RAB3IP: variants seen among roughly 807,000 people sequenced by gnomAD.
The protein encoded by RAB3IP is RAB3A interacting protein.
Under a neutral mutation model 59.1 loss-of-function variants are expected in RAB3IP, and 36 were observed. That is an observed-to-expected ratio of 0.61 (90% CI 0.47 to 0.80). The LOEUF (loss-of-function observed/expected upper bound fraction) is 0.80, where lower values mean the gene tolerates loss of function less well. RAB3IP is among the 30% of genes least tolerant of loss of function. The pLI is 0.00. For synonymous variants in RAB3IP, 207 were observed against 191.2 expected (o/e 1.08, Z -0.68); for missense variants, 511 against 536.0 (o/e 0.95, Z 0.46).
intron 8 of RAB3IP, among the ~76,000 whole-genome samples, chr12:69,806,570 G>GTTTTTTTT (rs35262716): frequency 1.2e-4 from 8 of 68,462 alleles, no homozygotes; most frequent in Non-Finnish European, 1.9e-4. Flanking sequence ...TGCTTCTCTA[G>GTTTTTTTT]TTTTTTTTTT....
At chr12:69,769,552 T>A (rs1181172131) in intron 3 of RAB3IP, among the ~76,000 whole-genome samples, 1 of 152,212 alleles carries the variant, frequency 6.6e-6, no homozygotes, top group African/African-American at 2.4e-5. Context: ...GTGATTCTGG[T>A]GGATTGCTGT....
intron 4 of RAB3IP, among the ~76,000 whole-genome samples, chr12:69,786,121 C>T (rs1875609105): frequency 6.6e-6 from 1 of 152,078 alleles, no homozygotes; most frequent in Admixed American, 6.5e-5. Flanking sequence ...TATTCATAAT[C>T]TATTTCACAG....
rs1881203963 is a variant in RAB3IP at position 69,817,060 on chromosome 12, C to T, written c.*1614C>T. On this transcript the variant is annotated 3_prime_UTR_variant, in exon 11 of 11. Transcript: ENST00000247833. ...TACCATCAAAGCTTCAGAAGATTTT[C>T]CGTACAAACTAAAATCACTTTTGGA... The T allele has an allele frequency of 6.6e-6, 1 of 152,104 alleles. No homozygotes were observed. Among genetic ancestry groups the T allele is most frequent in the African/African-American group, 2.4e-5 (1 of 41,404 alleles). The allele number at this position is 152,104 out of a possible 1,614,324, so 9.4% of individuals were successfully genotyped here.
At chr12:69,808,102 G>T (rs929196911) in intron 8 of RAB3IP, among the ~76,000 whole-genome samples, 1 of 152,130 alleles carries the variant, frequency 6.6e-6, no homozygotes, top group Non-Finnish European at 1.5e-5. Context: ...CTTTGTTCTC[G>T]TTGGTTTCAA....
intron 3 of RAB3IP, among the ~76,000 whole-genome samples, chr12:69,768,222 C>A (rs1872545295): frequency 6.6e-6 from 1 of 152,174 alleles, no homozygotes; most frequent in African/African-American, 2.4e-5. Context: ...GGAGATCTGC[C>A]TGGGCATGGA....
At chr12:69,779,988 C>G (rs1281989816) in intron 3 of RAB3IP, among the ~76,000 whole-genome samples, 1 of 152,152 alleles carries the variant, frequency 6.6e-6, no homozygotes, top group East Asian at 1.9e-4. Flanking sequence ...TTCAGTGGGC[C>G]TATCTAGAGA....
At chr12:69,810,863 G>T (rs61930184) in intron 8 of RAB3IP, among the ~76,000 whole-genome samples, 16,313 of 152,152 alleles carry the variant, frequency 0.11, 1,203 homozygotes, top group Middle Eastern at 0.17. Flanking sequence ...TGAAATCTTG[G>T]GACTAGAGTT....
intron 6 of RAB3IP, among the ~76,000 whole-genome samples, chr12:69,797,477 CTTTTTTT>C: frequency 2.0e-4 from 11 of 54,944 alleles, no homozygotes; most frequent in South Asian, 8.0e-4. Flanking sequence ...TCTTTTCTTT[CTTTTTTT>C]TTTTTTTTTT....
chr12:69,766,851 T>C (rs746239227), intron 3 of RAB3IP, among the ~76,000 whole-genome samples: 10 of 152,190 alleles, frequency 6.6e-5, no homozygotes, highest in Non-Finnish European at 1.3e-4. Context: ...CTTTTGAATA[T>C]GTTTATTTCT....
intron 2 of RAB3IP, among the ~76,000 whole-genome samples, chr12:69,755,979 A>C (rs1166514111): frequency 6.6e-6 from 1 of 152,246 alleles, no homozygotes; most frequent in Non-Finnish European, 1.5e-5. Flanking sequence ...TCATATATGG[A>C]TGCAGAATTT....
In RAB3IP at chr12:69,813,017, C is replaced by G. The variant is rs144612806; in HGVS notation, c.1284C>G (p.Leu428=). Reference sequence around the variant, plus strand: ...ACATTCGATACATTCAGCAGGGACTCGTGAAACAGCAGGATGGTGAGTGTT... The same window carrying G: ...ACATTCGATACATTCAGCAGGGACTGGTGAAACAGCAGGATGGTGAGTGTT... ...FTYIRYIQQG[L]VKQQDVDQMF... is the part of the protein sequence containing the mutation. Residue 428 remains leucine, a synonymous_variant, in exon 10 of 11, where the codon CTC becomes CTG. Transcript: ENST00000247833. 1.2e-6 allele frequency: 2 copies of G among 1,611,656 alleles called. No homozygotes were observed. The highest frequency in any genetic ancestry group is 1.1e-5 in the South Asian group (1 of 90,664).
intron 4 of RAB3IP, among the ~76,000 whole-genome samples, chr12:69,792,517 C>T (rs1876797684): frequency 6.6e-6 from 1 of 152,156 alleles, no homozygotes. Flanking sequence ...AGTTTACCGA[C>T]TCCTGGTATA....
At chr12:69,810,268 CAGA>C (rs1880208160) in intron 8 of RAB3IP, among the ~76,000 whole-genome samples, 1 of 152,148 alleles carries the variant, frequency 6.6e-6, no homozygotes. Context: ...AGTTTTGTCT[CAGA>C]GGAGTACCCG....
At chr12:69,754,944 C>T (rs1869951145) in intron 1 of RAB3IP, among the ~76,000 whole-genome samples, 1 of 152,180 alleles carries the variant, frequency 6.6e-6, no homozygotes. Flanking sequence ...ATTCATTCCT[C>T]ATACTAATTG....
intron 3 of RAB3IP, among the ~76,000 whole-genome samples, chr12:69,758,756 C>G (rs1056389353): frequency 2.1e-5 from 1 of 48,208 alleles, no homozygotes; most frequent in African/African-American, 7.8e-5. Context: ...GTGTTCATTC[C>G]TTTTTTTTTT....
intron 8 of RAB3IP, among the ~76,000 whole-genome samples, chr12:69,806,570 G>GTTTTT (rs35262716): frequency 6.7e-4 from 46 of 68,460 alleles, no homozygotes; most frequent in Non-Finnish European, 8.8e-4. Context: ...TGCTTCTCTA[G>GTTTTT]TTTTTTTTTT....
chr12:69,739,056 G>A (rs1484900580), intron 1 of RAB3IP, 25 bp downstream of exon 1: 1 of 152,064 alleles, frequency 6.6e-6, no homozygotes, highest in East Asian at 1.9e-4. Context: ...GGGAGGGAGA[G>A]GCCCGGAGCG....
intron 8 of RAB3IP, chr12:69,811,929 A>G (rs957575072): frequency 6.6e-6 from 1 of 152,212 alleles, no homozygotes; most frequent in African/African-American, 2.4e-5. Flanking sequence ...ACTTAGAGCT[A>G]TGCTAATTTT....
intron 8 of RAB3IP, among the ~76,000 whole-genome samples, chr12:69,803,523 T>C (rs890236621): frequency 1.4e-4 from 21 of 151,984 alleles, no homozygotes; most frequent in Non-Finnish European, 2.8e-4. Flanking sequence ...ATACTTTAAG[T>C]TTTAAGGTAC....
Sources: allele counts gnomAD v4.1 joint callset (sites outside exome capture counted in the v4.1 genomes callset), GRCh38; gene constraint gnomAD v4.1.1; transcripts MANE v1.5; gene names NCBI Gene and HGNC (gene_info 2026-07-23, HGNC 2026-07-21).